DAP3: variants seen among roughly 807,000 people sequenced by gnomAD.
DAP3 encodes the protein death associated protein 3.
Under a neutral mutation model 51.9 loss-of-function variants are expected in DAP3, and 28 were observed. The observed-to-expected ratio is 0.54, with a 90% confidence interval of 0.40 to 0.74. DAP3 has a LOEUF of 0.74. DAP3 is among the 30% of genes least tolerant of loss of function. DAP3 has a pLI of 0.00. For synonymous variants in DAP3, 170 were observed against 170.3 expected (o/e 1.00, Z 0.01); for missense variants, 458 against 483.5 (o/e 0.95, Z 0.49).
chr1:155,709,911 G>GCA, intron 2 of DAP3, 87 bp downstream of exon 2: 1 of 1,349,506 alleles, frequency 7.4e-7, no homozygotes, highest in Non-Finnish European at 1.0e-6. Context: ...TGTATCTAGA[G>GCA]TGAAATGCTC....
chr1:155,702,462 C>T (rs1655429158), intron 1 of DAP3, among the ~76,000 whole-genome samples: 1 of 151,980 alleles, frequency 6.6e-6, no homozygotes, highest in East Asian at 1.9e-4. Context: ...GCTTGGGGGA[C>T]AGAGCGAGAC....
chr1:155,704,051 A>AAT (rs1571458256), intron 1 of DAP3, among the ~76,000 whole-genome samples: 1 of 152,218 alleles, frequency 6.6e-6, no homozygotes, highest in East Asian at 1.9e-4. Context: ...GGAGGCTGAG[A>AAT]AAGGAGGATT....
rs578258368 is a variant in DAP3, at chr1:155,729,560, G to A, written c.843+194G>A. 6.6e-5 allele frequency among the ~76,000 whole-genome samples: 10 copies of A among 152,026 alleles called. 1 individual carries two copies. Among genetic ancestry groups the A allele is most frequent in the Middle Eastern group, 6.8e-3 (2 of 294 alleles). On this transcript the variant is annotated intron_variant, in intron 9 of 12. Coordinates refer to ENST00000368336, the MANE Select transcript of DAP3 (RefSeq NM_004632.4). ...CTCACGAGGCTGAGGTGGGAGGATC[G>A]CTTGAGGCCAGGAGTTCAAGACTAG...
At chr1:155,688,090 G>A, upstream of DAP3, 1 of 1,594,246 alleles carries the variant, frequency 6.3e-7, no homozygotes, top group Non-Finnish European at 8.6e-7. Flanking sequence ...GGCCGAGAGC[G>A]ATGAGAGTAC....
intron 3 of DAP3, among the ~76,000 whole-genome samples, chr1:155,719,151 G>C (rs1343115140): frequency 6.6e-6 from 1 of 152,120 alleles, no homozygotes; most frequent in African/African-American, 2.4e-5. Flanking sequence ...CAGGACTTTG[G>C]GAGGCCTAGG....
At chr1:155,688,763 C>T (rs1653161550), upstream of DAP3, 1 of 1,527,182 alleles carries the variant, frequency 6.5e-7, no homozygotes, top group Non-Finnish European at 8.8e-7. Context: ...GCCGCCAGCA[C>T]CCCCACCCTA....
intron 3 of DAP3, among the ~76,000 whole-genome samples, chr1:155,720,853 A>G (rs1657911230): frequency 6.6e-6 from 1 of 152,016 alleles, no homozygotes; most frequent in Non-Finnish European, 1.5e-5. Flanking sequence ...CCTGGTCAAC[A>G]TGGTGAAATC....
chr1:155,721,390 ATG>A (rs933833430), intron 3 of DAP3, 125 bp from the exon 4 acceptor site: 6 of 419,786 alleles, frequency 1.4e-5, no homozygotes, highest in African/African-American at 5.1e-5. Context: ...GTATATATAT[ATG>A]TATGTATGTA....
rs1458954863 is a variant in DAP3 at position 155,693,402 on chromosome 1, C to G, written c.-8+4228C>G. 1.4e-5 allele frequency among the ~76,000 whole-genome samples: 2 copies of G among 141,756 alleles called. 1 individual carries two copies. The highest frequency in any genetic ancestry group is 6.4e-5 in the African/African-American group (2 of 31,274). 93.0% of individuals were successfully genotyped at this position (141,756 alleles called of 152,430 possible). On this transcript the variant is annotated intron_variant, in intron 1 of 12. Coordinates refer to ENST00000368336, the MANE Select transcript of DAP3 (RefSeq NM_004632.4). Reference sequence around the variant, plus strand: ...GAATATGAGATTGGGCCATCATTACCTTCCATAATTTGGGATGTTCAGGGC... The same window carrying G: ...GAATATGAGATTGGGCCATCATTACGTTCCATAATTTGGGATGTTCAGGGC...
intron 11 of DAP3, 51 bp downstream of exon 11, chr1:155,732,084 G>T (rs1557800128): frequency 6.9e-7 from 1 of 1,458,110 alleles, no homozygotes; most frequent in Admixed American, 2.3e-5. Flanking sequence ...CCTGTTTAAA[G>T]AAAAATATTT....
At chr1:155,734,683 A>G (rs1659580298) in intron 11 of DAP3, among the ~76,000 whole-genome samples, 1 of 152,174 alleles carries the variant, frequency 6.6e-6, no homozygotes, top group Non-Finnish European at 1.5e-5. Flanking sequence ...CCCTCACAGC[A>G]AAGTTCATAA....
chr1:155,732,947 C>A (rs1212068239), intron 11 of DAP3, among the ~76,000 whole-genome samples: 1 of 152,122 alleles, frequency 6.6e-6, no homozygotes, highest in Non-Finnish European at 1.5e-5. Flanking sequence ...TCGCTTGAAC[C>A]CGGGAGGTGG....
chr1:155,730,645 A>G lies in DAP3; in HGVS notation c.844-711A>G, dbSNP rs186721283. Among the ~76,000 whole-genome samples, 863 of 152,278 alleles carry G rather than the reference A, an allele frequency of 5.7e-3. 11 individuals carry two copies. Among genetic ancestry groups the G allele is most frequent in the African/African-American group, 0.019 (787 of 41,550 alleles). On this transcript the variant is annotated intron_variant, in intron 9 of 12. Transcript: ENST00000368336. ...AAATAAAAAAAAAGAAAAGATAAAC[A>G]GTAAAATGGAATCAGAGGAGGAGGT...
chr1:155,727,507 G>A (rs12022149), intron 6 of DAP3, 101 bp from the exon 7 acceptor site: 2 of 1,189,436 alleles, frequency 1.7e-6, no homozygotes, highest in South Asian at 1.8e-5. Flanking sequence ...ATATATATGA[G>A]AAACTAAAGT....
intron 1 of DAP3, among the ~76,000 whole-genome samples, chr1:155,703,024 C>T (rs1467608608): frequency 6.6e-6 from 1 of 152,016 alleles, no homozygotes; most frequent in Non-Finnish European, 1.5e-5. Context: ...AAATGTATGC[C>T]AATACCACAC....
chr1:155,721,339 AATATATATATATGTATGTGTAT>A (rs938180417), intron 3 of DAP3, among the ~76,000 whole-genome samples, 156 bp from the exon 4 acceptor site: 6 of 147,114 alleles, frequency 4.1e-5, no homozygotes, highest in Non-Finnish European at 8.9e-5. Context: ...TTTTAAAAAT[AATATATATATATGTATGTGTAT>A]ATATATATGT....
intron 2 of DAP3, among the ~76,000 whole-genome samples, chr1:155,711,903 C>T (rs977532941): frequency 9.9e-5 from 15 of 151,094 alleles, no homozygotes; most frequent in African/African-American, 2.7e-4. Flanking sequence ...TGTTCGAGGG[C>T]GGGAAGCATC....
At chr1:155,736,132 C>T (rs1659764253) in intron 11 of DAP3, among the ~76,000 whole-genome samples, 1 of 151,834 alleles carries the variant, frequency 6.6e-6, no homozygotes, top group Non-Finnish European at 1.5e-5. Context: ...AGCCACCGTG[C>T]CCGGCTAATT....
chr1:155,697,730 T>A (rs781500896), intron 1 of DAP3, among the ~76,000 whole-genome samples: 2 of 152,116 alleles, frequency 1.3e-5, no homozygotes, highest in Non-Finnish European at 2.9e-5. Context: ...GACGTTGATA[T>A]TGATAAACAT....
Sources: allele counts gnomAD v4.1 joint callset (sites outside exome capture counted in the v4.1 genomes callset), GRCh38; gene constraint gnomAD v4.1.1; transcripts MANE v1.5; gene names NCBI Gene and HGNC (gene_info 2026-07-23, HGNC 2026-07-21).